The following MAPK9 variants were observed in gnomAD, a reference collection of about 807,000 sequenced individuals.
The protein encoded by MAPK9 is mitogen-activated protein kinase 9, also known as Jun kinase.
MAPK9 carries 30 observed loss-of-function variants against 57.1 expected under a neutral mutation model. The ratio of observed to expected loss-of-function variants is 0.53; its 90% CI spans 0.39 to 0.71. MAPK9 has a LOEUF of 0.71. MAPK9 is among the 30% of genes least tolerant of loss of function. The probability of loss-of-function intolerance (pLI) is 0.00; values close to 1 mark genes in which losing one functional copy is unlikely to be tolerated. For synonymous variants in MAPK9, 155 were observed against 177.0 expected (o/e 0.88, Z 0.99); for missense variants, 362 against 521.0 (o/e 0.69, Z 2.97).
rs576107482 is a variant in MAPK9, at chr5:180,282,857, C to A, written c.-47-2249G>T. Reference sequence around the variant, plus strand: ...CACACTCAGGAGGAGGCCCTGCACACCAAGGGTCCTAAACCCAGTAGGGTG... The same window carrying A: ...CACACTCAGGAGGAGGCCCTGCACAACAAGGGTCCTAAACCCAGTAGGGTG... On this transcript the variant is annotated intron_variant, in intron 1 of 11. Coordinates refer to ENST00000452135, the MANE Select transcript of MAPK9 (RefSeq NM_002752.5). 5.9e-5 allele frequency among the ~76,000 whole-genome samples: 9 copies of A among 152,284 alleles called. No homozygotes were observed. The South Asian group carries it at 1.9e-3, about 32-fold the overall frequency.
rs1246596257 is a variant in MAPK9, at chr5:180,242,563, G to T, written c.871+10C>A. 9 of 1,599,030 alleles carry T rather than the reference G, an allele frequency of 5.6e-6. No individual in the cohort carries two copies. In the Admixed American group the frequency reaches 1.2e-4, roughly 21 times the overall value. ...CAAAACACAAGTATAAGAAAAAAAG[G>T]ATATCTTACTTTTTATTTTGTCTCG... On this transcript the variant is annotated intron_variant, in intron 8 of 11. Coordinates refer to ENST00000452135, the MANE Select transcript of MAPK9 (RefSeq NM_002752.5).
chr5:180,257,988 TGAGAAAACC>T (rs1561807661), intron 5 of MAPK9: 2 of 153,420 alleles, frequency 1.3e-5, no homozygotes, highest in East Asian at 3.8e-4. Flanking sequence ...GTAAACAATG[TGAGAAAACC>T]TTCATTTCTC....
At chr5:180,245,231 G>A (rs973404753) in intron 7 of MAPK9, among the ~76,000 whole-genome samples, 1 of 152,142 alleles carries the variant, frequency 6.6e-6, no homozygotes, top group African/African-American at 2.4e-5. Flanking sequence ...ACCCTAGCAA[G>A]GCTCCTTGAA....
chr5:180,291,322 T>TGGGGAGGGGGGGGGGGGGGGGGGGG (rs1763213649), intron 1 of MAPK9, among the ~76,000 whole-genome samples: 1 of 11,150 alleles, frequency 9.0e-5, no homozygotes, highest in African/African-American at 3.3e-4. Context: ...GCTGGGCGGG[T>TGGGGAGGGGGGGGGGGGGGGGGGGG]GGGGAGGGGG....
chr5:180,261,697 C>G lies in MAPK9; in HGVS notation c.437G>C (p.Gly146Ala). 6.2e-7 allele frequency: 1 copy of G among 1,609,754 alleles called. No homozygotes were observed. The highest frequency in any genetic ancestry group is 8.5e-7 in the Non-Finnish European group (1 of 1,178,160). ...ATCACCACTTACTCTATGAATTATA[C>G]CAGCTGAATGCAGATGTTTAATACC... ...LCGIKHLHSAGIIHRDLKPSN... is the reference protein window; with the variant it reads ...LCGIKHLHSAAIIHRDLKPSN... Residue 146 changes from glycine to alanine, a missense_variant, in exon 5 of 12, where the codon GGT becomes GCT. Gly to Ala is a moderately conservative substitution (Grantham distance 60). Coordinates refer to ENST00000452135, the MANE Select transcript of MAPK9 (RefSeq NM_002752.5).
At chr5:180,241,304 A>ATTTT in intron 8 of MAPK9, 149 bp from the exon 9 acceptor site, 8 of 523,866 alleles carry the variant, frequency 1.5e-5, no homozygotes, top group South Asian at 1.4e-4. Context: ...ATAACCCAAA[A>ATTTT]TTTTTTTTTT....
At chr5:180,249,540 C>T (rs545959170) in intron 5 of MAPK9, among the ~76,000 whole-genome samples, 76 of 151,666 alleles carry the variant, frequency 5.0e-4, no homozygotes, top group African/African-American at 1.8e-3. Flanking sequence ...GCACACACGG[C>T]CCCCTCCTGC....
chr5:180,252,142 G>A (rs939359590), intron 5 of MAPK9, among the ~76,000 whole-genome samples: 13 of 152,140 alleles, frequency 8.5e-5, no homozygotes, highest in Admixed American at 7.9e-4. Context: ...GGTCTCTTGC[G>A]GCCATGTTAT....
chr5:180,282,619 C>T (rs978374904), intron 1 of MAPK9, among the ~76,000 whole-genome samples: 1 of 152,212 alleles, frequency 6.6e-6, no homozygotes, highest in Non-Finnish European at 1.5e-5. Flanking sequence ...ACACAGCGAA[C>T]TGCTGAGCTT....
intron 5 of MAPK9, chr5:180,253,729 C>G (rs1015454587): frequency 1.3e-5 from 2 of 152,308 alleles, no homozygotes; most frequent in Non-Finnish European, 2.9e-5. Context: ...AACAGGGCTG[C>G]CTGGTGAGTT....
intron 1 of MAPK9, 97 bp from the exon 2 acceptor site, chr5:180,280,705 G>A: frequency 2.1e-6 from 2 of 940,468 alleles, no homozygotes; most frequent in Non-Finnish European, 2.9e-6. Context: ...AAGACAATGT[G>A]GCTGTAAGTT....
chr5:180,280,666 G>A lies in MAPK9; in HGVS notation c.-47-58C>T, dbSNP rs534477909. On this transcript the variant is annotated intron_variant, in intron 1 of 11. Transcript: ENST00000452135. ...TACCGGAAGTACATACGCAGCTCAC[G>A]TAAGAGAGTTCTGAACTTATTGGTA... is the stretch of plus-strand genomic sequence containing the variant. 7.5e-5 allele frequency: 103 copies of A among 1,367,246 alleles called. No individual in the cohort carries two copies. The African/African-American group carries it at 8.1e-4, about 11-fold the overall frequency. The allele number at this position is 1,367,246 out of a possible 1,614,324, so 84.7% of individuals were successfully genotyped here.
chr5:180,242,712 T>C lies in MAPK9; in HGVS notation c.732A>G (p.Pro244=), dbSNP rs1165367315. 2 of 1,614,118 alleles carry C rather than the reference T, an allele frequency of 1.2e-6. No homozygotes were observed. The highest frequency in any genetic ancestry group is 1.7e-5 in the Admixed American group (1 of 60,028). The change falls in exon 8 of 12, where the codon CCA becomes CCG. Residue 244 remains proline (P), a synonymous_variant. Coordinates refer to ENST00000452135, the MANE Select transcript of MAPK9 (RefSeq NM_002752.5). Reference sequence around the variant, plus strand: ...GAAGTTTCTTCATGAACTCTGCTGATGGTGTTCCCAGCTGCTCAATAACTT... The same window carrying C: ...GAAGTTTCTTCATGAACTCTGCTGACGGTGTTCCCAGCTGCTCAATAACTT... ...WNKVIEQLGT[P]SAEFMKKLQP...
intron 1 of MAPK9, among the ~76,000 whole-genome samples, chr5:180,282,392 G>A (rs1325010241): frequency 6.6e-6 from 1 of 152,218 alleles, no homozygotes; most frequent in Non-Finnish European, 1.5e-5. Context: ...CTATTTGGGG[G>A]AGAAGCGCGA....
At chr5:180,241,548 C>T (rs1428198979) in intron 8 of MAPK9, among the ~76,000 whole-genome samples, 3 of 152,238 alleles carry the variant, frequency 2.0e-5, no homozygotes, top group Non-Finnish European at 4.4e-5. Context: ...ATCCGCCTGC[C>T]TCAGCCTCCC....
chr5:180,254,799 C>T (rs995778417), intron 5 of MAPK9, among the ~76,000 whole-genome samples: 2 of 152,170 alleles, frequency 1.3e-5, no homozygotes, highest in African/African-American at 4.8e-5. Context: ...CTTTGGGAGG[C>T]CGAGGCGGGC....
chr5:180,276,346 T>G (rs942296894), intron 2 of MAPK9, among the ~76,000 whole-genome samples: 1 of 152,192 alleles, frequency 6.6e-6, no homozygotes, highest in African/African-American at 2.4e-5. Flanking sequence ...ATTGAACACT[T>G]TTTTAAAGGT....
chr5:180,277,789 C>CT (rs1287361735), intron 2 of MAPK9, among the ~76,000 whole-genome samples: 2 of 151,906 alleles, frequency 1.3e-5, no homozygotes, highest in Non-Finnish European at 2.9e-5. Context: ...GAAAAGCAAG[C>CT]TTTTTTTTCT....
At chr5:180,255,559 C>A (rs147914593) in intron 5 of MAPK9, among the ~76,000 whole-genome samples, 1 of 151,840 alleles carries the variant, frequency 6.6e-6, no homozygotes, top group Non-Finnish European at 1.5e-5. Flanking sequence ...GAAACTACCC[C>A]CCAAAACAAA....
Sources: allele counts gnomAD v4.1 joint callset (sites outside exome capture counted in the v4.1 genomes callset), GRCh38; gene constraint gnomAD v4.1.1; transcripts MANE v1.5; gene names NCBI Gene and HGNC (gene_info 2026-07-23, HGNC 2026-07-21).